DIS3L2: variants seen among roughly 807,000 people sequenced by gnomAD.
DIS3L2 encodes DIS3 like 3'-5' exoribonuclease 2.
In DIS3L2, 34 loss-of-function variants were observed where a neutral mutation model predicts 97.5. That is an observed-to-expected ratio of 0.35 (90% confidence interval 0.27 to 0.46). DIS3L2 has a LOEUF of 0.46. Ranked by LOEUF, DIS3L2 falls within the 20% of genes least tolerant of loss-of-function variation. The probability of loss-of-function intolerance (pLI) is 1.00; values close to 1 mark genes in which losing one functional copy is unlikely to be tolerated. For synonymous variants in DIS3L2, 435 were observed against 445.2 expected (o/e 0.98, Z 0.29); for missense variants, 1,038 against 1,146.0 (o/e 0.91, Z 1.36).
intron 13 of DIS3L2, among the ~76,000 whole-genome samples, chr2:232,282,204 CAG>C (rs1392420160): frequency 6.8e-6 from 1 of 147,074 alleles, no homozygotes; most frequent in Non-Finnish European, 1.5e-5. Context: ...CCCAACATGT[CAG>C]TGATAGATGA....
At chr2:232,156,618 T>C (rs1288220864) in intron 8 of DIS3L2, among the ~76,000 whole-genome samples, 4 of 152,336 alleles carry the variant, frequency 2.6e-5, no homozygotes, top group Non-Finnish European at 2.9e-5. Context: ...AAATGCTTTT[T>C]GTCTAAGTTT....
chr2:231,989,348 TGTG>T (rs1693517552), intron 1 of DIS3L2, among the ~76,000 whole-genome samples: 1 of 143,272 alleles, frequency 7.0e-6, no homozygotes, highest in African/African-American at 2.8e-5. Context: ...ATTGTGTGTG[TGTG>T]TGTGTGTGTG....
In DIS3L2 at chr2:232,037,827, G is replaced by A. The variant is rs1458147484; in HGVS notation, c.366+7747G>A. 2.0e-5 allele frequency among the ~76,000 whole-genome samples: 3 copies of A among 152,130 alleles called. No individual in the cohort carries two copies. Among genetic ancestry groups the A allele is most frequent in the African/African-American group, 4.8e-5 (2 of 41,438 alleles). On this transcript the variant is annotated intron_variant, in intron 5 of 20. Coordinates refer to ENST00000325385, the MANE Select transcript of DIS3L2 (RefSeq NM_152383.5). The surrounding 1 kb of genome is among the most constrained non-coding windows in gnomAD (Gnocchi z 4.6). Reference sequence around the variant, plus strand: ...CCTTGCACTTCCTGGGTGAGGTAACGCCCCACCCTGCTTTGGCTTGCCCTC... The same window carrying A: ...CCTTGCACTTCCTGGGTGAGGTAACACCCCACCCTGCTTTGGCTTGCCCTC...
At chr2:232,204,577 A>G (rs1275672010) in intron 9 of DIS3L2, among the ~76,000 whole-genome samples, 1 of 151,952 alleles carries the variant, frequency 6.6e-6, no homozygotes, top group Non-Finnish European at 1.5e-5. Flanking sequence ...CTGGCACTGT[A>G]TTTTCTGCGG....
rs1305688371 is a variant in DIS3L2 at position 232,217,535 on chromosome 2, A to G, written c.1204+7130A>G. On this transcript the variant is annotated intron_variant, in intron 10 of 20. Coordinates refer to ENST00000325385, the MANE Select transcript of DIS3L2 (RefSeq NM_152383.5). The stretch of plus-strand genomic sequence containing the variant: ...AAGACTGCCTCACGCTTCTGATGCC[A>G]ATTGCAGGCTCCAGGGTGGTTTACT... 7.9e-5 allele frequency among the ~76,000 whole-genome samples: 12 copies of G among 152,348 alleles called. No homozygotes were observed. The East Asian group carries it at 2.3e-3, about 29-fold the overall frequency.
Position 232,334,111 on chromosome 2 carries a change from C to G in DIS3L2, c.2158+124C>G, listed in dbSNP as rs555992415. 3.2e-5 allele frequency: 46 copies of G among 1,428,838 alleles called. No individual in the cohort carries two copies. In the East Asian group the frequency reaches 1.1e-3, roughly 35 times the overall value. 88.5% of individuals were successfully genotyped at this position (1,428,838 alleles called of 1,614,324 possible). ...AGCGGAGGTCCAAGGGTCGGGCGAC[C>G]CAAGTGCAGGGGAGCCTGGCCTGGA... On this transcript the variant is annotated intron_variant, in intron 17 of 20. Transcript: ENST00000325385.
At chr2:232,034,182 C>T (rs191001441) in intron 5 of DIS3L2, among the ~76,000 whole-genome samples, 1 of 152,058 alleles carries the variant, frequency 6.6e-6, no homozygotes, top group Non-Finnish European at 1.5e-5. Flanking sequence ...TTGACTTCTT[C>T]CTGGTTTAGT....
intron 3 of DIS3L2, 102 bp from the exon 4 acceptor site, chr2:232,024,175 G>A: frequency 1.3e-6 from 1 of 772,628 alleles, no homozygotes; most frequent in Non-Finnish European, 2.1e-6. Context: ...GTTTTCTCAA[G>A]TGACCTGTTT....
At chr2:231,963,593 T>G (rs1692627342) in intron 1 of DIS3L2, among the ~76,000 whole-genome samples, 1 of 152,230 alleles carries the variant, frequency 6.6e-6, no homozygotes, top group African/African-American at 2.4e-5. Flanking sequence ...AGCTCTAGTT[T>G]AATTAGTTCC....
intron 1 of DIS3L2, among the ~76,000 whole-genome samples, chr2:231,998,856 T>C (rs749577329): frequency 1.2e-4 from 19 of 152,350 alleles, no homozygotes; most frequent in Admixed American, 7.2e-4. Context: ...TAGGAACTTA[T>C]GGATTCTTAT....
intron 1 of DIS3L2, among the ~76,000 whole-genome samples, chr2:231,971,306 C>T (rs529566508): frequency 9.4e-5 from 14 of 149,694 alleles, no homozygotes; most frequent in African/African-American, 2.2e-4. Context: ...CTCAGTCTTT[C>T]GCCAGGCTGG....
chr2:232,335,679 T>G (rs1289690507), intron 19 of DIS3L2, 94 bp from the exon 20 acceptor site: 1 of 1,412,432 alleles, frequency 7.1e-7, no homozygotes, highest in Non-Finnish European at 9.7e-7. Context: ...GGCCGAGGGC[T>G]GAGGGCCGCC....
intron 5 of DIS3L2, among the ~76,000 whole-genome samples, chr2:232,076,502 T>C (rs1416605648): frequency 6.6e-6 from 1 of 152,244 alleles, no homozygotes; most frequent in Non-Finnish European, 1.5e-5. Flanking sequence ...CATTGTGGCT[T>C]TAATTTGCAT....
intron 1 of DIS3L2, among the ~76,000 whole-genome samples, chr2:231,992,727 T>G (rs1296037730): frequency 6.6e-6 from 1 of 152,206 alleles, no homozygotes; most frequent in Non-Finnish European, 1.5e-5. Context: ...ACATAGGGCT[T>G]CATTGCCCTC....
chr2:232,213,661 GT>G (rs67846645), intron 10 of DIS3L2, among the ~76,000 whole-genome samples: 22,719 of 80,572 alleles, frequency 0.28, 2,601 homozygotes, highest in African/African-American at 0.39. Flanking sequence ...ATCATCTGTA[GT>G]TTTTTTTTTT....
At chr2:232,340,789 A>T, downstream of DIS3L2, 1 of 471,392 alleles carries the variant, frequency 2.1e-6, no homozygotes, top group South Asian at 1.5e-5. Context: ...CCTCCAGAGC[A>T]TCTCAGTCTG....
At chr2:231,984,553 ATTTTTTT>A in intron 1 of DIS3L2, among the ~76,000 whole-genome samples, 1 of 140,186 alleles carries the variant, frequency 7.1e-6, no homozygotes, top group South Asian at 2.3e-4. Flanking sequence ...CGCCCGGCTA[ATTTTTTT>A]TTTTTTGTAT....
At chr2:232,197,803 C>T (rs1044404560) in intron 9 of DIS3L2, among the ~76,000 whole-genome samples, 1 of 151,654 alleles carries the variant, frequency 6.6e-6, no homozygotes, top group African/African-American at 2.4e-5. Flanking sequence ...CCCGTCTCTA[C>T]AAAAATATAA....
At position 232,155,157 on chromosome 2, in the gene DIS3L2, C is replaced by G. The variant is rs867455786; in HGVS notation, c.951-8302C>G. Among the ~76,000 whole-genome samples the G allele has an allele frequency of 2.7e-5, 4 of 146,486 alleles. No individual in the cohort carries two copies. The East Asian group carries it at 5.8e-4, about 21-fold the overall frequency. On this transcript the variant is annotated intron_variant, in intron 8 of 20. Transcript: ENST00000325385. ...CTCAGATGGAAATGCAGAAATCACCCGTCTTCTGCGTCGCTCACGCTGGGA... is the reference window on the plus strand; with the variant it reads ...CTCAGATGGAAATGCAGAAATCACCGGTCTTCTGCGTCGCTCACGCTGGGA...
Sources: allele counts gnomAD v4.1 joint callset (sites outside exome capture counted in the v4.1 genomes callset), GRCh38; gene constraint gnomAD v4.1.1; non-coding constraint Gnocchi (gnomAD v3.1); transcripts MANE v1.5; gene names NCBI Gene and HGNC (gene_info 2026-07-23, HGNC 2026-07-21).